Variants in ATXN7 observed in about 807,000 individuals in gnomAD.
ATXN7 encodes ataxin 7, also known as ataxin-7.
ATXN7 carries 12 observed loss-of-function variants against 70.5 expected under a neutral mutation model. The ratio of observed to expected loss-of-function variants is 0.17; its 90% confidence interval spans 0.11 to 0.28. The LOEUF (loss-of-function observed/expected upper bound fraction) is 0.28. Ranked by LOEUF, ATXN7 falls within the 10% of genes least tolerant of loss-of-function variation. The pLI is 1.00. For missense variants in ATXN7, 1,256 were observed against 1,131.7 expected (o/e 1.11, Z -1.58); for synonymous variants, 498 against 448.7 (o/e 1.11, Z -1.39).
At chr3:63,952,317 C>G in intron 4 of ATXN7, 62 bp from the exon 5 acceptor site, 1 of 1,313,916 alleles carries the variant, frequency 7.6e-7, no homozygotes, top group Non-Finnish European at 1.1e-6. Flanking sequence ...AGTAGTTTCC[C>G]AAAATGGTTT....
intron 5 of ATXN7, among the ~76,000 whole-genome samples, chr3:63,972,928 C>T (rs1475055098): frequency 6.6e-6 from 1 of 152,164 alleles, no homozygotes; most frequent in Non-Finnish European, 1.5e-5. Flanking sequence ...AATAAACAAG[C>T]CTGTAGCTGG....
chr3:63,994,187 A>C (rs1198855227), intron 11 of ATXN7, among the ~76,000 whole-genome samples: 1 of 152,166 alleles, frequency 6.6e-6, no homozygotes, highest in East Asian at 1.9e-4. Context: ...AGAAGCACTA[A>C]CATCAGGCCA....
chr3:63,938,635 C>G (rs373987635), intron 4 of ATXN7, among the ~76,000 whole-genome samples: 9 of 152,334 alleles, frequency 5.9e-5, no homozygotes, highest in South Asian at 2.1e-4. Context: ...TTCACACTTA[C>G]AGGACCTGGT....
intron 4 of ATXN7, among the ~76,000 whole-genome samples, chr3:63,951,390 T>G (rs1046929406): frequency 6.6e-6 from 1 of 152,218 alleles, no homozygotes; most frequent in Admixed American, 6.5e-5. Flanking sequence ...AGAAAGTAGA[T>G]GCTAATCAGC....
At chr3:63,886,148 A>G (rs545285546) in intron 1 of ATXN7, among the ~76,000 whole-genome samples, 2 of 152,346 alleles carry the variant, frequency 1.3e-5, no homozygotes, top group African/African-American at 4.8e-5. Flanking sequence ...TAAGCCAGAC[A>G]CAGAAAGACA....
intron 2 of ATXN7, chr3:63,904,749 TAG>T (rs1376572731): frequency 6.6e-6 from 1 of 152,240 alleles, no homozygotes; most frequent in East Asian, 1.9e-4. Flanking sequence ...AGTGTATACC[TAG>T]AAGTGGAATT....
rs79596396 is a variant in ATXN7 at position 63,922,127 on chromosome 3, C to T, written c.394+8902C>T. ...ATGGCTCACTGCAGGCTTGACTTCACTTCCTGGTCTCAAGCAATCCTCCCA... is the reference window on the plus strand; with the variant it reads ...ATGGCTCACTGCAGGCTTGACTTCATTTCCTGGTCTCAAGCAATCCTCCCA... On this transcript the variant is annotated intron_variant, in intron 4 of 12. Transcript: ENST00000674280. 3.9e-3 allele frequency among the ~76,000 whole-genome samples: 590 copies of T among 152,192 alleles called. 25 individuals are homozygous for T. In the East Asian group the frequency reaches 0.1, roughly 26 times the overall value.
At chr3:63,863,696 GC>G, upstream of ATXN7, 3 of 1,242,076 alleles carry the variant, frequency 2.4e-6, no homozygotes, top group Non-Finnish European at 3.0e-6. Context: ...CCGGAAGCGG[GC>G]CGGGAGGCCA....
chr3:63,946,191 A>G (rs1367430076), intron 4 of ATXN7, among the ~76,000 whole-genome samples: 5 of 152,182 alleles, frequency 3.3e-5, no homozygotes, highest in Non-Finnish European at 5.9e-5. Flanking sequence ...CATAAATCAT[A>G]AATCAGTGAG....
intron 4 of ATXN7, among the ~76,000 whole-genome samples, chr3:63,935,321 C>T (rs2074639705): frequency 6.6e-6 from 1 of 152,080 alleles, no homozygotes; most frequent in African/African-American, 2.4e-5. Context: ...CACAGTGGCA[C>T]CTATGAAGTT....
intron 12 of ATXN7, 66 bp from the exon 13 acceptor site, chr3:63,999,384 A>G (rs2075809190): frequency 6.2e-6 from 8 of 1,293,488 alleles, no homozygotes; most frequent in Admixed American, 1.7e-5. Context: ...TTTAGAATCA[A>G]TAGAGTGCAG....
intron 11 of ATXN7, among the ~76,000 whole-genome samples, chr3:63,992,801 G>T (rs2075693125): frequency 6.6e-6 from 1 of 152,162 alleles, no homozygotes; most frequent in African/African-American, 2.4e-5. Flanking sequence ...GCTCAGTAAT[G>T]AGCTGACACA....
intron 8 of ATXN7, among the ~76,000 whole-genome samples, chr3:63,986,773 G>A (rs2075584790): frequency 6.6e-6 from 1 of 152,192 alleles, no homozygotes; most frequent in Admixed American, 6.5e-5. Flanking sequence ...TGTCTCGTAA[G>A]GAGGTGGGTT....
At chr3:63,914,027 A>T (rs1471168383) in intron 4 of ATXN7, among the ~76,000 whole-genome samples, 2 of 152,214 alleles carry the variant, frequency 1.3e-5, no homozygotes. Context: ...AAGTCCAGTG[A>T]ACTTCGGGTT....
chr3:63,918,835 C>T lies in ATXN7; in HGVS notation c.394+5610C>T, dbSNP rs56021751. Reference sequence around the variant, plus strand: ...CAAGTTCCCTGCCTCAGCATCACCTCGTGCTTGTTGAACATTAATGCACAT... The same window carrying T: ...CAAGTTCCCTGCCTCAGCATCACCTTGTGCTTGTTGAACATTAATGCACAT... On this transcript the variant is annotated intron_variant, in intron 4 of 12. Transcript: ENST00000674280. Among the ~76,000 whole-genome samples the T allele has an allele frequency of 5.0e-3, 766 of 152,280 alleles. 5 individuals carry two copies. The highest frequency in any genetic ancestry group is 0.018 in the African/African-American group (730 of 41,542).
chr3:63,979,413 T>A (rs951438380), intron 5 of ATXN7, among the ~76,000 whole-genome samples: 4 of 152,208 alleles, frequency 2.6e-5, no homozygotes, highest in African/African-American at 9.6e-5. Flanking sequence ...TTATTTGGTG[T>A]CATCTGCTGG....
intron 1 of ATXN7, among the ~76,000 whole-genome samples, chr3:63,865,763 C>T (rs1279213412): frequency 6.7e-6 from 1 of 150,296 alleles, no homozygotes; most frequent in African/African-American, 2.4e-5. Context: ...GGCGTAGTGG[C>T]GGGCGCCTGT....
intron 1 of ATXN7, among the ~76,000 whole-genome samples, chr3:63,880,654 C>T (rs530056083): frequency 2.1e-4 from 32 of 152,210 alleles, no homozygotes; most frequent in Admixed American, 6.5e-4. Flanking sequence ...GTGCTTGCTG[C>T]CACCCTCATC....
chr3:63,968,945 C>G (rs765920922), intron 5 of ATXN7, among the ~76,000 whole-genome samples: 1 of 152,148 alleles, frequency 6.6e-6, no homozygotes, highest in East Asian at 1.9e-4. Context: ...AGATCTTAAA[C>G]CTTTAATCAA....
Sources: gnomAD v4.1 joint callset for allele counts (sites outside exome capture counted in the v4.1 genomes callset) on GRCh38, gnomAD v4.1.1 for gene constraint, MANE v1.5 for transcripts, NCBI Gene and HGNC (gene_info 2026-07-23, HGNC 2026-07-21) for gene names.